IQSEC1: variants seen among roughly 807,000 people sequenced by gnomAD.
IQSEC1 encodes the protein IQ motif and SEC7 domain-containing protein 1.
Under a neutral mutation model 91.0 loss-of-function variants are expected in IQSEC1, and 31 were observed. The observed-to-expected ratio is 0.34, with a 90% CI of 0.26 to 0.46. IQSEC1 has a LOEUF of 0.46. IQSEC1 is among the 20% of genes least tolerant of loss of function. The pLI, the probability that IQSEC1 is intolerant of heterozygous loss-of-function variation, is 1.00. For synonymous variants in IQSEC1, 699 were observed against 662.6 expected (o/e 1.05, Z -0.84); for missense variants, 1,388 against 1,575.6 (o/e 0.88, Z 2.02).
intron 1 of IQSEC1, among the ~76,000 whole-genome samples, chr3:13,261,878 C>T (rs1341298920): frequency 6.6e-6 from 1 of 152,246 alleles, no homozygotes; most frequent in Non-Finnish European, 1.5e-5. Flanking sequence ...CAGAAGCCAA[C>T]GTAAAAATGC....
chr3:13,049,465 G>A (rs148885742), intron 1 of IQSEC1, among the ~76,000 whole-genome samples: 22 of 152,194 alleles, frequency 1.4e-4, no homozygotes, highest in Admixed American at 1.3e-3. Context: ...CACTTCATCC[G>A]ACCCTTGCAT....
intron 1 of IQSEC1, among the ~76,000 whole-genome samples, chr3:12,948,831 G>A (rs975023990): frequency 6.6e-6 from 1 of 152,168 alleles, no homozygotes; most frequent in Non-Finnish European, 1.5e-5. Flanking sequence ...CATCCCCAAG[G>A]GCATATGGGC....
In IQSEC1 at chr3:12,970,653, C is replaced by T. The variant is rs1700847996; in HGVS notation, c.24-28788G>A. Among the ~76,000 whole-genome samples, 1 of 152,182 alleles carries T rather than the reference C, an allele frequency of 6.6e-6. No individual in the cohort carries two copies. The stretch of plus-strand genomic sequence containing the variant: ...CTCCTCCTGCCCACTCTATGCCTGC[C>T]ACACCTCCAGCAACACTAAGCTTCT... On this transcript the variant is annotated intron_variant, in intron 1 of 13. Transcript: ENST00000613206. The surrounding 1 kb of genome is among the most constrained non-coding windows in gnomAD (Gnocchi z 4.4).
chr3:13,047,359 G>C (rs948835579), intron 1 of IQSEC1: 8 of 383,960 alleles, frequency 2.1e-5, no homozygotes, highest in Admixed American at 6.4e-5. Flanking sequence ...GAATTTCAGG[G>C]CCAAATGGTG....
At chr3:13,124,487 G>A (rs546139699) in intron 2 of IQSEC1, among the ~76,000 whole-genome samples, 107 of 152,344 alleles carry the variant, frequency 7.0e-4, no homozygotes, top group Admixed American at 3.1e-3. Context: ...TGACTGTAGA[G>A]CTTGGAGCCC....
intron 1 of IQSEC1, among the ~76,000 whole-genome samples, chr3:13,196,961 G>A (rs1462167592): frequency 6.6e-6 from 1 of 152,110 alleles, no homozygotes; most frequent in Admixed American, 6.5e-5. Flanking sequence ...CTCAGAGGCA[G>A]GAAGGGTGTT....
chr3:12,976,094 A>G (rs749195518), intron 1 of IQSEC1, among the ~76,000 whole-genome samples: 3 of 152,190 alleles, frequency 2.0e-5, no homozygotes, highest in Non-Finnish European at 2.9e-5. Context: ...GAATTCAGTG[A>G]GCCATCCGGT....
At chr3:13,165,941 C>T (rs1035945204) in intron 1 of IQSEC1, among the ~76,000 whole-genome samples, 37 of 152,178 alleles carry the variant, frequency 2.4e-4, no homozygotes, top group East Asian at 1.9e-3. Context: ...GCTCCTTTCT[C>T]GCTGTCCATG....
chr3:13,238,266 C>A (rs1265859977), intron 1 of IQSEC1, among the ~76,000 whole-genome samples: 1 of 152,204 alleles, frequency 6.6e-6, no homozygotes, highest in Non-Finnish European at 1.5e-5. Context: ...CTCCTCCACA[C>A]AACCCTCAAC....
intron 2 of IQSEC1, among the ~76,000 whole-genome samples, chr3:13,120,216 C>G (rs1358965295): frequency 1.3e-5 from 2 of 152,212 alleles, no homozygotes; most frequent in Middle Eastern, 3.2e-3. Context: ...AAGACTCTGT[C>G]CCTCTCACAT....
chr3:13,255,011 AGAGCG>A (rs1214741446), intron 1 of IQSEC1, among the ~76,000 whole-genome samples: 1 of 152,240 alleles, frequency 6.6e-6, no homozygotes, highest in East Asian at 1.9e-4. Flanking sequence ...CTCGACAATC[AGAGCG>A]GACGCACTGG....
chr3:13,070,945 T>C (rs928903114), intron 1 of IQSEC1, among the ~76,000 whole-genome samples: 1 of 152,206 alleles, frequency 6.6e-6, no homozygotes, highest in South Asian at 2.1e-4. Context: ...GGGAAGAGTA[T>C]TGGAATCCAT....
chr3:13,190,555 C>A (rs1177894433), intron 1 of IQSEC1, among the ~76,000 whole-genome samples: 2 of 142,712 alleles, frequency 1.4e-5, no homozygotes, highest in Admixed American at 6.9e-5. Context: ...GACCCTGTCT[C>A]AAAAAAAAAA....
intron 3 of IQSEC1, among the ~76,000 whole-genome samples, chr3:12,928,606 C>T (rs955538991): frequency 6.6e-6 from 1 of 152,214 alleles, no homozygotes; most frequent in Admixed American, 6.5e-5. Flanking sequence ...CTACCCTCCC[C>T]TACTCCTAGC....
chr3:13,009,027 G>A (rs1181748219), intron 1 of IQSEC1, among the ~76,000 whole-genome samples: 3 of 152,210 alleles, frequency 2.0e-5, no homozygotes, highest in Non-Finnish European at 4.4e-5. Flanking sequence ...TTCTGAGATC[G>A]ACAGCCCTTT....
intron 1 of IQSEC1, among the ~76,000 whole-genome samples, chr3:13,181,646 C>T (rs1372035533): frequency 6.6e-6 from 1 of 152,230 alleles, no homozygotes; most frequent in African/African-American, 2.4e-5. Flanking sequence ...ATTTCTCCTA[C>T]AGCATGGCTG....
At chr3:13,046,310 C>A (rs753485356) in intron 1 of IQSEC1, among the ~76,000 whole-genome samples, 1 of 152,212 alleles carries the variant, frequency 6.6e-6, no homozygotes, top group Non-Finnish European at 1.5e-5. Flanking sequence ...ACTGCGTGAG[C>A]GTGTCGCTCA....
chr3:12,978,901 G>A (rs868386676), intron 1 of IQSEC1, among the ~76,000 whole-genome samples: 6 of 152,262 alleles, frequency 3.9e-5, no homozygotes, highest in Middle Eastern at 3.4e-3. Flanking sequence ...TTCACCGGGT[G>A]GCCCAGCAGG....
intron 2 of IQSEC1, among the ~76,000 whole-genome samples, chr3:13,132,663 C>A (rs1706639126): frequency 1.3e-5 from 2 of 152,230 alleles, no homozygotes; most frequent in Non-Finnish European, 2.9e-5. Context: ...GTCCAGATCA[C>A]CTTGTTCATT....
Sources: allele counts gnomAD v4.1 joint callset (sites outside exome capture counted in the v4.1 genomes callset), GRCh38; gene constraint gnomAD v4.1.1; non-coding constraint Gnocchi (gnomAD v3.1); transcripts MANE v1.5; gene names NCBI Gene and HGNC (gene_info 2026-07-23, HGNC 2026-07-21).